Variants in KMT2E observed in about 807,000 individuals in gnomAD.
KMT2E encodes lysine methyltransferase 2E (inactive).
Under a neutral mutation model 184.6 loss-of-function variants are expected in KMT2E, and 30 were observed. That is an observed-to-expected ratio of 0.16 (90% confidence interval 0.12 to 0.22). KMT2E has a LOEUF of 0.22. Among genes scored for constraint, KMT2E ranks in the 10% least tolerant of loss-of-function variants. The pLI, the probability that KMT2E is intolerant of heterozygous loss-of-function variation, is 1.00. For missense variants in KMT2E, 2,023 were observed against 2,237.4 expected (o/e 0.90, Z 1.93); for synonymous variants, 815 against 776.5 (o/e 1.05, Z -0.82).
chr7:105,034,733 C>CT (rs1454948340), intron 1 of KMT2E, among the ~76,000 whole-genome samples: 4 of 151,874 alleles, frequency 2.6e-5, no homozygotes, highest in African/African-American at 9.7e-5. Flanking sequence ...GTAACCATAC[C>CT]TATCTTTCTC....
chr7:105,112,547 A>G lies in KMT2E; in HGVS notation c.4791A>G (p.Gln1597=). 1 of 1,614,046 alleles carries G rather than the reference A, an allele frequency of 6.2e-7. No individual in the cohort carries two copies. Residue 1597 remains glutamine (Q), a synonymous_variant, in exon 27 of 27, where the codon CAA becomes CAG. Transcript: ENST00000311117. ...CACTTCCTGGCACCACAAGCCAGCA[A>G]ACAGTTCCAGGACACCACGTGACTC... ...NQALPGTTSQ[Q]TVPGHHVTPG... is the part of the protein sequence containing the mutation.
At chr7:105,084,410 G>C (rs1387480330) in intron 13 of KMT2E, among the ~76,000 whole-genome samples, 1 of 152,240 alleles carries the variant, frequency 6.6e-6, no homozygotes, top group South Asian at 2.1e-4. Flanking sequence ...CGGATTACTT[G>C]AGGCCAGGAG....
At chr7:105,102,429 C>T in intron 17 of KMT2E, 1 of 340,210 alleles carries the variant, frequency 2.9e-6, no homozygotes, top group Non-Finnish European at 5.2e-6. Context: ...TATTGCAATT[C>T]ATGATTTCTT....
intron 17 of KMT2E, chr7:105,105,153 A>G (rs184885303): frequency 4.3e-6 from 1 of 234,384 alleles, no homozygotes; most frequent in Non-Finnish European, 8.2e-6. Context: ...GATGACAGAG[A>G]TATCTTGTCT....
intron 19 of KMT2E, 145 bp downstream of exon 19, chr7:105,106,148 A>G (rs979287644): frequency 8.0e-6 from 7 of 870,866 alleles, no homozygotes; most frequent in Non-Finnish European, 1.2e-5. Context: ...TGTCCTCTGT[A>G]TTTTTTGGCT....
intron 13 of KMT2E, among the ~76,000 whole-genome samples, chr7:105,085,065 CTATA>C (rs1797909413): frequency 1.3e-5 from 2 of 151,028 alleles, no homozygotes; most frequent in Admixed American, 1.3e-4. Context: ...TATTTCTAGG[CTATA>C]TAGTTCGTCT....
intron 3 of KMT2E, among the ~76,000 whole-genome samples, chr7:105,043,938 T>A (rs1225110078): frequency 2.0e-5 from 3 of 151,924 alleles, no homozygotes; most frequent in Admixed American, 6.6e-5. Context: ...AAAATAAAAA[T>A]TTTTTAAAAA....
At position 105,107,911 on chromosome 7, in the gene KMT2E, C is replaced by T. The variant is rs773014089; in HGVS notation, c.3454C>T (p.Pro1152Ser). The change falls in exon 22 of 27, where the codon CCA becomes TCA. Residue 1152 changes from proline (P) to serine (S), a missense_variant. By Grantham distance (74) the Pro-to-Ser change is moderately conservative. Transcript: ENST00000311117. The stretch of plus-strand genomic sequence containing the variant: ...CGGGAATTGCACACCCCAGAATCCA[C>T]CACAAAAGAAAAAGGTTACAAATTT... ...IDGNCTPQNP[P>S]QKKKVSLLEY... The T allele has an allele frequency of 6.3e-7, 1 of 1,586,512 alleles. No homozygotes were observed. The highest frequency in any genetic ancestry group is 1.1e-5 in the South Asian group (1 of 87,028).
intron 15 of KMT2E, among the ~76,000 whole-genome samples, chr7:105,096,730 C>CA (rs1659648140): frequency 6.6e-6 from 1 of 152,100 alleles, no homozygotes; most frequent in Non-Finnish European, 1.5e-5. Flanking sequence ...GAAAGATAGA[C>CA]AGACAGATAC....
At chr7:105,065,128 T>G (rs1287858860) in intron 5 of KMT2E, among the ~76,000 whole-genome samples, 2 of 152,194 alleles carry the variant, frequency 1.3e-5, no homozygotes, top group Non-Finnish European at 2.9e-5. Context: ...GTTACTCTGT[T>G]TTTCTGTTGC....
At chr7:105,079,852 TTA>T (rs1212014402) in intron 12 of KMT2E, among the ~76,000 whole-genome samples, 116 of 150,992 alleles carry the variant, frequency 7.7e-4, no homozygotes, top group Non-Finnish European at 1.5e-3. Flanking sequence ...ATTATTATTA[TTA>T]TTTTTGAGGC....
chr7:105,024,023 T>C (rs1795072461), intron 1 of KMT2E, among the ~76,000 whole-genome samples: 1 of 152,214 alleles, frequency 6.6e-6, no homozygotes, highest in African/African-American at 2.4e-5. Context: ...TACATTATGA[T>C]AATACTCATC....
At chr7:105,042,479 A>C (rs1795926124) in intron 3 of KMT2E, among the ~76,000 whole-genome samples, 1 of 152,206 alleles carries the variant, frequency 6.6e-6, no homozygotes, top group Non-Finnish European at 1.5e-5. Flanking sequence ...TATCTTAATC[A>C]TCCCAGCAAA....
At chr7:105,041,050 C>CAAAAAAA (rs58676744) in intron 3 of KMT2E, 27 bp downstream of exon 3, 1 of 669,170 alleles carries the variant, frequency 1.5e-6, no homozygotes, top group South Asian at 2.5e-5. Flanking sequence ...GTTACATAAG[C>CAAAAAAA]AAAAAAAAAA....
At chr7:105,060,943 C>T (rs1026089030) in intron 3 of KMT2E, among the ~76,000 whole-genome samples, 3 of 152,204 alleles carry the variant, frequency 2.0e-5, no homozygotes, top group Non-Finnish European at 4.4e-5. Flanking sequence ...ATCATGTTCA[C>T]ACAACGGTGA....
intron 3 of KMT2E, among the ~76,000 whole-genome samples, chr7:105,047,943 C>T (rs1796176011): frequency 6.6e-6 from 1 of 152,202 alleles, no homozygotes; most frequent in Non-Finnish European, 1.5e-5. Flanking sequence ...ATTCTAAGAG[C>T]TAGCACAAGA....
chr7:105,051,145 C>T (rs1170707464), intron 3 of KMT2E, among the ~76,000 whole-genome samples: 2 of 149,658 alleles, frequency 1.3e-5, no homozygotes, highest in Non-Finnish European at 3.0e-5. Context: ...TCCTCCCTCC[C>T]TTCCTTCCTC....
chr7:105,112,702 A>T lies in KMT2E; in HGVS notation c.4946A>T (p.Gln1649Leu). 6.2e-7 allele frequency: 1 copy of T among 1,613,658 alleles called. No individual in the cohort carries two copies. The highest frequency in any genetic ancestry group is 8.5e-7 in the Non-Finnish European group (1 of 1,179,908). Residue 1649 changes from glutamine (Q) to leucine (L), a missense_variant, in exon 27 of 27, where the codon CAA (glutamine) becomes CTA (leucine). Coordinates refer to ENST00000311117, the MANE Select transcript of KMT2E (RefSeq NM_182931.3). ...HLVQQPNSHQQHSVAHVVGPV... is the reference protein window; with the variant it reads ...HLVQQPNSHQLHSVAHVVGPV... ...GTACAACAGCCGAATTCCCATCAGC[A>T]ACACTCTGTAGCACATGTAGTAGGG... is the stretch of plus-strand genomic sequence containing the variant.
At chr7:105,095,985 T>G (rs569046877) in intron 15 of KMT2E, among the ~76,000 whole-genome samples, 42 of 152,320 alleles carry the variant, frequency 2.8e-4, no homozygotes, top group Non-Finnish European at 4.4e-4. Flanking sequence ...CTGGGCTTGG[T>G]GGCTCACGCC....
Sources: allele counts gnomAD v4.1 joint callset (sites outside exome capture counted in the v4.1 genomes callset), GRCh38; gene constraint gnomAD v4.1.1; transcripts MANE v1.5; gene names NCBI Gene and HGNC (gene_info 2026-07-23, HGNC 2026-07-21).